Variants in MPRIP observed in about 807,000 individuals in gnomAD.
The protein encoded by MPRIP is myosin phosphatase Rho interacting protein.
MPRIP carries 59 observed loss-of-function variants against 234.9 expected under a neutral mutation model. The ratio of observed to expected loss-of-function variants is 0.25; its 90% CI spans 0.20 to 0.31. The LOEUF (loss-of-function observed/expected upper bound fraction) is 0.31, where lower values mean the gene tolerates loss of function less well. Among genes scored for constraint, MPRIP ranks in the 10% least tolerant of loss-of-function variants. The pLI, the probability that MPRIP is intolerant of heterozygous loss-of-function variation, is 1.00. For synonymous variants in MPRIP, 1,144 were observed against 1,263.9 expected, an observed-to-expected ratio of 0.91 and a Z score of 2.01; for missense variants, 2,436 against 3,071.0, an observed-to-expected ratio of 0.79 and a Z score of 4.89.
intron 5 of MPRIP, among the ~76,000 whole-genome samples, chr17:17,134,184 G>A (rs1400295709): frequency 3.9e-5 from 6 of 152,342 alleles, no homozygotes; most frequent in Admixed American, 3.9e-4. Context: ...CTTCCCGTTG[G>A]TTGCCATGCT....
chr17:17,075,921 C>A (rs2089317679), intron 2 of MPRIP, 134 bp downstream of exon 2: 2 of 789,884 alleles, frequency 2.5e-6, no homozygotes, highest in East Asian at 5.0e-5. Context: ...AGGGCTCCCC[C>A]ATTTGGTGCA....
chr17:17,068,685 C>A (rs1011568825), intron 1 of MPRIP, among the ~76,000 whole-genome samples: 1 of 152,078 alleles, frequency 6.6e-6, no homozygotes, highest in African/African-American at 2.4e-5. Context: ...TGTGTGCCAC[C>A]ACACCCAGCT....
intron 13 of MPRIP, among the ~76,000 whole-genome samples, chr17:17,158,229 C>G (rs1336796552): frequency 6.6e-6 from 1 of 152,204 alleles, no homozygotes; most frequent in Admixed American, 6.5e-5. Flanking sequence ...CTCCCCCTCC[C>G]CCACTCAGAA....
chr17:17,120,634 G>A (rs1258109362), intron 3 of MPRIP, among the ~76,000 whole-genome samples: 1 of 152,194 alleles, frequency 6.6e-6, no homozygotes, highest in East Asian at 1.9e-4. Flanking sequence ...GCTATGTGGG[G>A]GCTGAACCCA....
chr17:17,159,188 G>A (rs538064089), intron 14 of MPRIP, among the ~76,000 whole-genome samples, 186 bp downstream of exon 14: 6 of 152,350 alleles, frequency 3.9e-5, no homozygotes, highest in East Asian at 1.9e-4. Context: ...CTGTGGGAGC[G>A]TGCCAGTGCA....
intron 1 of MPRIP, among the ~76,000 whole-genome samples, chr17:17,059,556 C>T (rs557690215): frequency 6.6e-6 from 1 of 152,344 alleles, no homozygotes; most frequent in African/African-American, 2.4e-5. Context: ...GACGGTGTCC[C>T]CTGACTTCCA....
intron 3 of MPRIP, among the ~76,000 whole-genome samples, chr17:17,113,090 G>C (rs2090206098): frequency 2.6e-5 from 4 of 152,160 alleles, no homozygotes; most frequent in Admixed American, 2.6e-4. Flanking sequence ...CATGCCCTGG[G>C]GGGTGGCAAC....
chr17:17,116,181 G>A (rs1246277761), intron 3 of MPRIP, among the ~76,000 whole-genome samples: 1 of 152,194 alleles, frequency 6.6e-6, no homozygotes, highest in Non-Finnish European at 1.5e-5. Context: ...TAAATACAAG[G>A]AGTTTTATCA....
intron 3 of MPRIP, among the ~76,000 whole-genome samples, chr17:17,121,435 G>A (rs1203140761): frequency 6.6e-6 from 1 of 152,236 alleles, no homozygotes; most frequent in East Asian, 1.9e-4. Flanking sequence ...TTCCTTGTCT[G>A]CGGGATGAGA....
chr17:17,137,981 T>G lies in MPRIP; in HGVS notation c.802T>G (p.Phe268Val). The change falls in exon 7 of 24, where the codon TTC (phenylalanine) becomes GTC (valine). Residue 268 changes from phenylalanine to valine, a missense_variant. By Grantham distance (50) the Phe-to-Val change is conservative (BLOSUM62 -1). Around this residue, in one of 4 missense-constraint regions of MPRIP, gnomAD observed 267 missense variants for 252.7 expected, o/e 1.06. Transcript: ENST00000651222. ...CAAAGTCCGGGTGGAGAGCGGCTAC[T>G]TCTCTCTGGAGAAGACCAAACAGGA... ...GRKVRVESGY[F>V]SLEKTKQDLK... 1 of 1,612,786 alleles carries G rather than the reference T, an allele frequency of 6.2e-7. No individual in the cohort carries two copies.
At chr17:17,054,359 A>G (rs2088630349) in intron 1 of MPRIP, among the ~76,000 whole-genome samples, 1 of 152,218 alleles carries the variant, frequency 6.6e-6, no homozygotes, top group South Asian at 2.1e-4. Flanking sequence ...TGTTTGTGTG[A>G]TTATCGTAGA....
chr17:17,084,435 T>G (rs2089538522), intron 3 of MPRIP, among the ~76,000 whole-genome samples: 2 of 152,374 alleles, frequency 1.3e-5, no homozygotes, highest in East Asian at 3.9e-4. Flanking sequence ...TGGCACTTTC[T>G]GCCCATTCTC....
chr17:17,163,861 GT>G (rs1156924814), intron 15 of MPRIP, among the ~76,000 whole-genome samples: 1 of 146,874 alleles, frequency 6.8e-6, no homozygotes, highest in African/African-American at 2.5e-5. Flanking sequence ...CCTAGAAGCT[GT>G]TTGGTTAAAG....
intron 20 of MPRIP, among the ~76,000 whole-genome samples, chr17:17,176,044 G>C (rs1487357171): frequency 6.6e-6 from 1 of 152,210 alleles, no homozygotes; most frequent in African/African-American, 2.4e-5. Flanking sequence ...TGCTGTGCCT[G>C]TGCCTTGTAC....
chr17:17,096,887 A>T, intron 3 of MPRIP: 1 of 448,040 alleles, frequency 2.2e-6, no homozygotes, highest in Admixed American at 2.6e-5. Context: ...ATAAATATGA[A>T]AAAGCATCCT....
At chr17:17,109,054 C>G (rs2090118333) in intron 3 of MPRIP, among the ~76,000 whole-genome samples, 1 of 152,248 alleles carries the variant, frequency 6.6e-6, no homozygotes, top group Non-Finnish European at 1.5e-5. Flanking sequence ...CCCCTTCTCT[C>G]CCTTTCCTTC....
Position 17,165,308 on chromosome 17 carries a change from G to A in MPRIP, c.3717G>A (p.Arg1239=). The A allele has an allele frequency of 1.5e-6, 2 of 1,304,058 alleles. No individual in the cohort carries two copies. Among genetic ancestry groups the A allele is most frequent in the Non-Finnish European group, 2.0e-6 (2 of 988,954 alleles). 80.8% of individuals were successfully genotyped at this position (1,304,058 alleles called of 1,614,324 possible). A position where few individuals can be genotyped will look rare whatever the true frequency, so the allele number is the denominator to read the frequency against. The stretch of plus-strand genomic sequence containing the variant: ...GGAGTACCCCTGAAGAGACAGAAAG[G>A]GATGGCACTTTGCTCCCAGGCCAAC... The part of the protein sequence containing the change: ...EPRSTPEETE[R]DGTLLPGQPV... Residue 1239 remains arginine, a synonymous_variant, in exon 16 of 24, where the codon AGG becomes AGA. Coordinates refer to ENST00000651222, the MANE Select transcript of MPRIP (RefSeq NM_001364716.4).
Position 17,185,723 on chromosome 17 carries a change from CA to C in MPRIP, c.*833del. On this transcript the variant is annotated 3_prime_UTR_variant, in exon 24 of 24. Transcript: ENST00000651222. ...AAATGAATTCCCCCCAGGAATCATT[CA>C]AAATGGGGGAAGGTTTGGGGGTTTG... 2.9e-6 allele frequency: 1 copy of C among 342,788 alleles called. No homozygotes were observed. Among genetic ancestry groups the C allele is most frequent in the South Asian group, 2.2e-5 (1 of 44,866 alleles). 21.2% of individuals were successfully genotyped at this position (342,788 alleles called of 1,614,324 possible).
Position 17,158,666 on chromosome 17 carries a change from G to C in MPRIP, c.2064G>C (p.Glu688Asp). ...VGGVGPADTH[E>D]PLRPEAEPGE... ...GCGTGGGGCCTGCTGACACCCACGA[G>C]CCCCTGCGCCCTGAGGCGGAGCCTG... The change falls in exon 14 of 24, where the codon GAG (glutamate) becomes GAC (aspartate). Residue 688 changes from glutamate to aspartate, a missense_variant. Transcript: ENST00000651222. 6.2e-7 allele frequency: 1 copy of C among 1,605,592 alleles called. No individual in the cohort carries two copies. Among genetic ancestry groups the C allele is most frequent in the East Asian group, 2.2e-5 (1 of 44,666 alleles).
Sources: gnomAD v4.1 joint callset for allele counts (sites outside exome capture counted in the v4.1 genomes callset) on GRCh38, gnomAD v4.1.1 for gene constraint, gnomAD v4.1.1 regional missense constraint, MANE v1.5 for transcripts, NCBI Gene and HGNC (gene_info 2026-07-23, HGNC 2026-07-21) for gene names.